SMO: variants seen among roughly 807,000 people sequenced by gnomAD.
SMO encodes the protein protein smoothened.
Under a neutral mutation model 81.6 loss-of-function variants are expected in SMO, and 40 were observed. The observed-to-expected ratio is 0.49, with a 90% CI of 0.38 to 0.64. The LOEUF (loss-of-function observed/expected upper bound fraction) is 0.64. Ranked by LOEUF, SMO falls within the 30% of genes least tolerant of loss-of-function variation. The pLI, the probability that SMO is intolerant of heterozygous loss-of-function variation, is 0.00. For synonymous variants in SMO, 434 were observed against 432.1 expected, an observed-to-expected ratio of 1.00 and a Z score of -0.05; for missense variants, 916 against 1,061.1, an observed-to-expected ratio of 0.86 and a Z score of 1.90.
intron 1 of SMO, among the ~76,000 whole-genome samples, chr7:129,203,028 C>T (rs1045330915): frequency 6.6e-6 from 1 of 152,208 alleles, no homozygotes; most frequent in Non-Finnish European, 1.5e-5. Context: ...CCCAACATCC[C>T]ATGTAACCAG....
At chr7:129,204,711 C>T (rs1449208259) in intron 2 of SMO, among the ~76,000 whole-genome samples, 1 of 151,548 alleles carries the variant, frequency 6.6e-6, no homozygotes, top group Non-Finnish European at 1.5e-5. Context: ...AAGGTAAGTA[C>T]TACCATCTTA....
Position 129,189,618 on chromosome 7 carries a change from C to T in SMO, c.331+136C>T. ...CCGGGAGAGTTGGAGGGACAGATCC[C>T]GAAACTTTGGGGGCAGGTTACGTGC... On this transcript the variant is annotated intron_variant, in intron 1 of 11. Transcript: ENST00000249373. This position sits in a 1 kb window ranked among gnomAD's most constrained non-coding sequence, Gnocchi z 4.7. The T allele has an allele frequency of 2.0e-6, 2 of 978,486 alleles. No homozygotes were observed. The highest frequency in any genetic ancestry group is 2.9e-6 in the Non-Finnish European group (2 of 680,022). 60.6% of individuals were successfully genotyped at this position (978,486 alleles called of 1,614,324 possible).
In SMO at chr7:129,211,809, C is replaced by T. The variant is rs2150655906; in HGVS notation, c.1936+39C>T. 6.2e-7 allele frequency: 1 copy of T among 1,612,522 alleles called. No homozygotes were observed. The highest frequency in any genetic ancestry group is 8.5e-7 in the Non-Finnish European group (1 of 1,178,900). ...AGCTTCTGGAGGAAGGTGGGGGGAG[C>T]ACAGAGGCTGGGGGCTTCTGGGACT... is the stretch of plus-strand genomic sequence containing the variant. On this transcript the variant is annotated intron_variant, in intron 11 of 11. Transcript: ENST00000249373. The surrounding 1 kb of genome is among the most constrained non-coding windows in gnomAD (Gnocchi z 4.6).
chr7:129,209,036 G>A, intron 7 of SMO, 185 bp downstream of exon 7: 1 of 618,504 alleles, frequency 1.6e-6, no homozygotes, highest in Non-Finnish European at 2.9e-6. Context: ...TACTCGGGGG[G>A]AAGAATTCAG....
chr7:129,211,502 G>C lies in SMO; in HGVS notation c.1802-134G>C. On this transcript the variant is annotated intron_variant, in intron 10 of 11. Coordinates refer to ENST00000249373, the MANE Select transcript of SMO (RefSeq NM_005631.5). This position sits in a 1 kb window ranked among gnomAD's most constrained non-coding sequence, Gnocchi z 4.6. The stretch of plus-strand genomic sequence containing the variant: ...ATTCTGAAGGGGTAGAGATCACCGT[G>C]GTTACAGGGTGAGCTTTCTCTGGTG... 1.0e-6 allele frequency: 1 copy of C among 973,338 alleles called. No homozygotes were observed. Among genetic ancestry groups the C allele is most frequent in the Non-Finnish European group, 1.6e-6 (1 of 617,492 alleles). The allele number at this position is 973,338 out of a possible 1,614,324, so 60.3% of individuals were successfully genotyped here. A position where few individuals can be genotyped will look rare whatever the true frequency, so the allele number is the denominator to read the frequency against.
chr7:129,195,249 T>C (rs1048609759), intron 1 of SMO, among the ~76,000 whole-genome samples: 1 of 152,258 alleles, frequency 6.6e-6, no homozygotes, highest in Non-Finnish European at 1.5e-5. Context: ...ACGCATACTT[T>C]AGGCTTTTGC....
chr7:129,211,621 C>T lies in SMO; in HGVS notation c.1802-15C>T. 1.9e-6 allele frequency: 3 copies of T among 1,611,574 alleles called. No individual in the cohort carries two copies. The highest frequency in any genetic ancestry group is 2.5e-6 in the Non-Finnish European group (3 of 1,179,334). ...GTCACTATTCCTTCTCCTTTCCTTC[C>T]TTCCATTCCCACAGCGGGCTTGGCC... On this transcript the variant is annotated splice_polypyrimidine_tract_variant and intron_variant, in intron 10 of 11. Transcript: ENST00000249373. This position sits in a 1 kb window ranked among gnomAD's most constrained non-coding sequence, Gnocchi z 4.6.
rs570242755 is a variant in SMO at position 129,189,198 on chromosome 7, GGCTGCT to G, written c.64_69del (p.Leu22_Leu23del). Reference sequence around the variant, plus strand: ...CGGGGGCCGGAGCTCCCGCTCCTGGGGCTGCTGCTGCTGCTGCTGCTGGGGGACCCG... The same window carrying G: ...CGGGGGCCGGAGCTCCCGCTCCTGGGGCTGCTGCTGCTGCTGGGGGACCCG... On this transcript the variant is annotated inframe_deletion, in exon 1 of 12. Transcript: ENST00000249373. This position sits in a 1 kb window ranked among gnomAD's most constrained non-coding sequence, Gnocchi z 4.7. The G allele has an allele frequency of 1.9e-5, 22 of 1,147,120 alleles. No individual in the cohort carries two copies. The Admixed American group carries it at 7.0e-4, about 36-fold the overall frequency. The allele number at this position is 1,147,120 out of a possible 1,614,324, so 71.1% of individuals were successfully genotyped here.
rs1383286272 is a variant in SMO at position 129,206,825 on chromosome 7, G to A, written c.1264+238G>A. Among the ~76,000 whole-genome samples the A allele has an allele frequency of 7.7e-6, 1 of 129,416 alleles. No homozygotes were observed. The highest frequency in any genetic ancestry group is 2.3e-4 in the East Asian group (1 of 4,404). 84.9% of individuals were successfully genotyped at this position (129,416 alleles called of 152,430 possible). A position where few individuals can be genotyped will look rare whatever the true frequency, so the allele number is the denominator to read the frequency against. On this transcript the variant is annotated intron_variant, in intron 6 of 11. Transcript: ENST00000249373. The surrounding 1 kb of genome is among the most constrained non-coding windows in gnomAD (Gnocchi z 4.4). ...TCCCTCTCTCCAGGGCCTTGGCCCA[G>A]GGCTCACAGCTTGTTTTTTTTGTTT...
chr7:129,201,266 C>T (rs192813628), intron 1 of SMO, among the ~76,000 whole-genome samples: 54 of 151,976 alleles, frequency 3.6e-4, no homozygotes, highest in South Asian at 1.7e-3. Flanking sequence ...AGGCTGGTCT[C>T]GGACTCCTGA....
rs1335653898 is a variant in SMO, at chr7:129,212,941, G to C, written c.*490G>C. 1 of 264,956 alleles carries C rather than the reference G, an allele frequency of 3.8e-6. No homozygotes were observed. Among genetic ancestry groups the C allele is most frequent in the Non-Finnish European group, 7.2e-6 (1 of 139,232 alleles). 16.4% of individuals were successfully genotyped at this position (264,956 alleles called of 1,614,324 possible). A position where few individuals can be genotyped will look rare whatever the true frequency, so the allele number is the denominator to read the frequency against. ...GTGTCATTAGTCCTTTGTCTAAGTA[G>C]GGCCAGGGCACCGTATTCCTCTCCC... On this transcript the variant is annotated 3_prime_UTR_variant, in exon 12 of 12. Transcript: ENST00000249373. The surrounding 1 kb of genome is among the most constrained non-coding windows in gnomAD (Gnocchi z 5.0).
chr7:129,209,404 G>C lies in SMO; in HGVS notation c.1466+7G>C. ...GCTTCCGGGACTATGTGCTGTGAGT[G>C]AGGGGCATGGAGGCGGCAGTGCTGG... On this transcript the variant is annotated splice_region_variant and intron_variant, in intron 8 of 11. Coordinates refer to ENST00000249373, the MANE Select transcript of SMO (RefSeq NM_005631.5). The C allele has an allele frequency of 6.4e-7, 1 of 1,572,742 alleles. No individual in the cohort carries two copies. Among genetic ancestry groups the C allele is most frequent in the Non-Finnish European group, 8.8e-7 (1 of 1,142,392 alleles).
rs2150654613 is a variant in SMO, at chr7:129,210,998, G to T, written c.1686G>T (p.Arg562=). The T allele has an allele frequency of 6.2e-7, 1 of 1,613,658 alleles. No homozygotes were observed. The highest frequency in any genetic ancestry group is 1.7e-5 in the Admixed American group (1 of 59,914). Residue 562 remains arginine, a synonymous_variant, in exon 10 of 12, where the codon CGG becomes CGT. Coordinates refer to ENST00000249373, the MANE Select transcript of SMO (RefSeq NM_005631.5). The surrounding 1 kb of genome is among the most constrained non-coding windows in gnomAD (Gnocchi z 4.7). ...GGCAGAGTGACGATGAGCCAAAGCG[G>T]ATCAAGAAGAGCAAGATGATTGCCA... The part of the protein sequence containing the change: ...LTGQSDDEPK[R]IKKSKMIAKA...
At position 129,206,043 on chromosome 7, in the gene SMO, G is replaced by A; in HGVS notation, c.921-107G>A. The A allele has an allele frequency of 2.0e-6, 2 of 1,001,078 alleles. No individual in the cohort carries two copies. The highest frequency in any genetic ancestry group is 3.0e-6 in the Non-Finnish European group (2 of 664,810). 62.0% of individuals were successfully genotyped at this position (1,001,078 alleles called of 1,614,324 possible). ...GTCCTGTCTCCAAGCCCTGACTTCT[G>A]GGAACCTCCAGACCTCAGCAGCTGA... On this transcript the variant is annotated intron_variant, in intron 4 of 11. Coordinates refer to ENST00000249373, the MANE Select transcript of SMO (RefSeq NM_005631.5). The surrounding 1 kb of genome is among the most constrained non-coding windows in gnomAD (Gnocchi z 4.4).
At chr7:129,205,132 A>T (rs1793741744) in intron 2 of SMO, 71 bp from the exon 3 acceptor site, 2 of 1,364,980 alleles carry the variant, frequency 1.5e-6, no homozygotes, top group African/African-American at 2.9e-5. Context: ...TGCTACCTAG[A>T]TACCTTTCCC....
chr7:129,207,375 G>T (rs1793790986), intron 6 of SMO, among the ~76,000 whole-genome samples: 3 of 152,208 alleles, frequency 2.0e-5, no homozygotes. Flanking sequence ...CGTGGAATTA[G>T]TGGTCCCTAA....
Position 129,206,686 on chromosome 7 carries a change from A to C in SMO, c.1264+99A>C. On this transcript the variant is annotated intron_variant, in intron 6 of 11. Transcript: ENST00000249373. This position sits in a 1 kb window ranked among gnomAD's most constrained non-coding sequence, Gnocchi z 4.4. ...CCAGCACGGCTGCCCCCATGCTGAAACCCCAGCTAGCTCCTATAGGGCCTT... is the reference window on the plus strand; with the variant it reads ...CCAGCACGGCTGCCCCCATGCTGAACCCCCAGCTAGCTCCTATAGGGCCTT... The C allele has an allele frequency of 7.5e-7, 1 of 1,333,780 alleles. No homozygotes were observed. The highest frequency in any genetic ancestry group is 1.9e-5 in the Admixed American group (1 of 51,686). 82.6% of individuals were successfully genotyped at this position (1,333,780 alleles called of 1,614,324 possible).
At chr7:129,191,503 G>T (rs574814184) in intron 1 of SMO, among the ~76,000 whole-genome samples, 34 of 152,150 alleles carry the variant, frequency 2.2e-4, no homozygotes, top group Admixed American at 2.1e-3. Context: ...TTCCATATGT[G>T]TTCTGGTTGC....
chr7:129,205,283 G>A lies in SMO; in HGVS notation c.618G>A (p.Trp206Ter), dbSNP rs751636409. 5.0e-6 allele frequency: 8 copies of A among 1,614,136 alleles called. No individual in the cohort carries two copies. Among genetic ancestry groups the A allele is most frequent in the Non-Finnish European group, 4.2e-6 (5 of 1,180,050 alleles). ...PLVRTDNPKSWYEDVEGCGIQ... is the reference protein window; with the variant it reads ...PLVRTDNPKS ...TTCGGACAGACAACCCCAAGAGCTG[G>A]TACGAGGACGTGGAGGGCTGCGGCA... The change falls in exon 3 of 12, where the codon TGG (tryptophan) becomes TGA (stop). Residue 206 changes from tryptophan (W) to a stop codon, truncating the protein, a stop_gained. Transcript: ENST00000249373. LOFTEE classifies it high-confidence loss of function.
Sources: gnomAD v4.1 joint callset for allele counts (sites outside exome capture counted in the v4.1 genomes callset) on GRCh38, gnomAD v4.1.1 for gene constraint, Gnocchi (gnomAD v3.1) non-coding constraint, MANE v1.5 for transcripts, NCBI Gene and HGNC (gene_info 2026-07-23, HGNC 2026-07-21) for gene names.